TTC39B: variants seen among roughly 807,000 people sequenced by gnomAD.
TTC39B encodes tetratricopeptide repeat domain 39B.
Under a neutral mutation model 96.6 loss-of-function variants are expected in TTC39B, and 92 were observed. That is an observed-to-expected ratio of 0.95 (90% CI 0.80 to 1.13). TTC39B has a LOEUF of 1.13. Among genes scored for constraint, TTC39B ranks in the 50% most tolerant of loss-of-function variants. The pLI is 0.00. For synonymous variants in TTC39B, 367 were observed against 299.4 expected (o/e 1.23, Z -2.33); for missense variants, 955 against 809.3 (o/e 1.18, Z -2.18).
intron 1 of TTC39B, among the ~76,000 whole-genome samples, chr9:15,302,393 G>A (rs1013910290): frequency 6.7e-6 from 1 of 149,646 alleles, no homozygotes; most frequent in Non-Finnish European, 1.5e-5. Flanking sequence ...GAGGTGGGTG[G>A]ATCACAAGGT....
intron 7 of TTC39B, among the ~76,000 whole-genome samples, chr9:15,201,099 A>C (rs996705344): frequency 2.0e-5 from 3 of 152,238 alleles, no homozygotes; most frequent in African/African-American, 7.2e-5. Flanking sequence ...AATTTCATTT[A>C]CTAATTTCAT....
chr9:15,194,635 T>C (rs866097116), intron 8 of TTC39B, among the ~76,000 whole-genome samples: 6 of 152,252 alleles, frequency 3.9e-5, no homozygotes, highest in African/African-American at 1.4e-4. Flanking sequence ...GATGCCATTT[T>C]TCCAACAATA....
chr9:15,179,092 C>T (rs541228913), intron 17 of TTC39B, among the ~76,000 whole-genome samples: 12 of 152,296 alleles, frequency 7.9e-5, no homozygotes, highest in Middle Eastern at 3.4e-3. Flanking sequence ...TCTCTGCCTT[C>T]TACAGCCCAA....
intron 1 of TTC39B, among the ~76,000 whole-genome samples, chr9:15,293,461 T>C (rs1356820208): frequency 6.6e-6 from 1 of 152,100 alleles, no homozygotes; most frequent in Non-Finnish European, 1.5e-5. Context: ...TGGGAAGAAA[T>C]GACCACCTTT....
chr9:15,271,190 G>T (rs929563113), intron 1 of TTC39B, among the ~76,000 whole-genome samples: 1 of 152,130 alleles, frequency 6.6e-6, no homozygotes, highest in Non-Finnish European at 1.5e-5. Context: ...ATGTAATATG[G>T]TAGCATTGTT....
At chr9:15,173,302 T>C (rs540678528) in intron 19 of TTC39B, among the ~76,000 whole-genome samples, 2 of 152,270 alleles carry the variant, frequency 1.3e-5, no homozygotes, top group East Asian at 3.9e-4. Flanking sequence ...ATATCACCTA[T>C]ATATAAATAT....
At chr9:15,236,069 G>C (rs1231589693) in intron 2 of TTC39B, among the ~76,000 whole-genome samples, 2 of 152,144 alleles carry the variant, frequency 1.3e-5, no homozygotes, top group Non-Finnish European at 2.9e-5. Flanking sequence ...CTGCCTACAA[G>C]TGACCCACCT....
intron 1 of TTC39B, among the ~76,000 whole-genome samples, chr9:15,305,628 A>G (rs943738887): frequency 4.6e-5 from 7 of 151,376 alleles, no homozygotes; most frequent in African/African-American, 1.5e-4. Context: ...TGCTACTCTG[A>G]AACCTAACTT....
chr9:15,286,412 C>T (rs79432305), intron 1 of TTC39B, among the ~76,000 whole-genome samples: 4,245 of 152,252 alleles, frequency 0.028, 197 homozygotes, highest in African/African-American at 0.097. Context: ...CCTTGTGATT[C>T]GAGTCAGGTT....
intron 19 of TTC39B, among the ~76,000 whole-genome samples, chr9:15,172,775 G>C (rs1817730736): frequency 6.6e-6 from 1 of 152,084 alleles, no homozygotes; most frequent in Non-Finnish European, 1.5e-5. Context: ...TGGCCCATGG[G>C]TGAGCTATAA....
intron 3 of TTC39B, among the ~76,000 whole-genome samples, chr9:15,222,182 A>G (rs1342381597): frequency 3.3e-5 from 5 of 152,246 alleles, no homozygotes; most frequent in African/African-American, 9.6e-5. Context: ...TGATAATGGC[A>G]TGGAAAATAC....
At chr9:15,171,945 C>T (rs1299422019) in exon 20 of TTC39B, 8 of 1,138,854 alleles carry the variant, frequency 7.0e-6, no homozygotes, top group Non-Finnish European at 8.9e-6. Flanking sequence ...ATCATTTTTC[C>T]ACTTTAATAT....
intron 2 of TTC39B, among the ~76,000 whole-genome samples, chr9:15,260,181 G>C (rs1167964816): frequency 6.6e-6 from 1 of 151,608 alleles, no homozygotes; most frequent in Non-Finnish European, 1.5e-5. Context: ...CTAATACCAA[G>C]ATTGAAATAT....
At chr9:15,277,571 A>C (rs1232086050) in intron 1 of TTC39B, among the ~76,000 whole-genome samples, 1 of 151,880 alleles carries the variant, frequency 6.6e-6, no homozygotes, top group African/African-American at 2.4e-5. Flanking sequence ...ACACAGTGAG[A>C]CATTGCCCAA....
At chr9:15,267,575 C>T (rs911508032) in intron 2 of TTC39B, among the ~76,000 whole-genome samples, 1 of 152,126 alleles carries the variant, frequency 6.6e-6, no homozygotes, top group Non-Finnish European at 1.5e-5. Context: ...ACAGTGAATG[C>T]TTTTAATAAA....
chr9:15,187,854 A>G, intron 14 of TTC39B, 117 bp downstream of exon 14: 2 of 1,082,228 alleles, frequency 1.8e-6, no homozygotes, highest in African/African-American at 1.6e-5. Flanking sequence ...CCTTTTGTGG[A>G]TCTCTAAGTT....
intron 1 of TTC39B, among the ~76,000 whole-genome samples, chr9:15,279,674 G>A (rs939076528): frequency 2.6e-5 from 4 of 152,044 alleles, no homozygotes; most frequent in African/African-American, 9.7e-5. Flanking sequence ...AAAGGTACTC[G>A]TGAGTGGCAC....
intron 1 of TTC39B, among the ~76,000 whole-genome samples, chr9:15,287,969 A>C (rs866790720): frequency 4.2e-4 from 47 of 111,098 alleles, no homozygotes; most frequent in Middle Eastern, 4.9e-3. Flanking sequence ...AAAAAAAAAA[A>C]CATAAAAAAA....
chr9:15,276,837 A>G (rs1304963999), intron 1 of TTC39B, among the ~76,000 whole-genome samples: 1 of 152,216 alleles, frequency 6.6e-6, no homozygotes, highest in Non-Finnish European at 1.5e-5. Context: ...GATAACTCAC[A>G]GAACAGGTCC....
Sources: allele counts gnomAD v4.1 joint callset (sites outside exome capture counted in the v4.1 genomes callset), GRCh38; gene constraint gnomAD v4.1.1; transcripts MANE v1.5; gene names NCBI Gene and HGNC (gene_info 2026-07-23, HGNC 2026-07-21).